MIA2: variants seen among roughly 807,000 people sequenced by gnomAD.
MIA2 encodes MIA SH3 domain ER export factor 2.
MIA2 carries 127 observed loss-of-function variants against 167.8 expected under a neutral mutation model. The ratio of observed to expected loss-of-function variants is 0.76; its 90% CI spans 0.66 to 0.88. The LOEUF (loss-of-function observed/expected upper bound fraction) is 0.88, where lower values mean the gene tolerates loss of function less well. Among genes scored for constraint, MIA2 ranks in the 40% least tolerant of loss-of-function variants. The pLI is 0.00. For missense variants in MIA2, 1,690 were observed against 1,624.7 expected (o/e 1.04, Z -0.69); for synonymous variants, 552 against 541.9 (o/e 1.02, Z -0.26).
chr14:39,298,426 T>A (rs1395730034), intron 13 of MIA2, among the ~76,000 whole-genome samples: 1 of 19,308 alleles, frequency 5.2e-5, no homozygotes, highest in Admixed American at 3.4e-4. Context: ...TATATATATA[T>A]ATATATATAT....
At chr14:39,259,698 G>GTTTTTTTTTTT (rs10556014) in intron 6 of MIA2, among the ~76,000 whole-genome samples, 1 of 115,374 alleles carries the variant, frequency 8.7e-6, no homozygotes. Flanking sequence ...GCCTGGCTAG[G>GTTTTTTTTTTT]TTTTTTTTTT....
chr14:39,268,512 A>G (rs1176897536), intron 6 of MIA2, among the ~76,000 whole-genome samples: 2 of 152,192 alleles, frequency 1.3e-5, no homozygotes, highest in Non-Finnish European at 2.9e-5. Flanking sequence ...GCATACACAC[A>G]CAGTGCAGGG....
Position 39,292,118 on chromosome 14 carries a change from A to G in MIA2, c.2208+1022A>G, listed in dbSNP as rs77671983. On this transcript the variant is annotated intron_variant, in intron 10 of 28. Transcript: ENST00000640607. Reference sequence around the variant, plus strand: ...TTTTCTTCATTTGTTGCCTATTACTATCTTCAAGAACTTGTTGAAATTATA... The same window carrying G: ...TTTTCTTCATTTGTTGCCTATTACTGTCTTCAAGAACTTGTTGAAATTATA... Among the ~76,000 whole-genome samples the G allele has an allele frequency of 2.6e-4, 40 of 152,352 alleles. No individual in the cohort carries two copies. In the East Asian group the frequency reaches 6.7e-3, roughly 26 times the overall value.
intron 25 of MIA2, among the ~76,000 whole-genome samples, chr14:39,331,941 C>A (rs1028820818): frequency 1.3e-5 from 2 of 151,982 alleles, no homozygotes; most frequent in Non-Finnish European, 2.9e-5. Flanking sequence ...TGGGGTTGTT[C>A]TTCTAGAAGA....
At chr14:39,318,332 C>A (rs1566902345) in intron 22 of MIA2, among the ~76,000 whole-genome samples, 1 of 151,938 alleles carries the variant, frequency 6.6e-6, no homozygotes, top group East Asian at 1.9e-4. Context: ...TAGTAATGCC[C>A]AGAATATCAG....
At chr14:39,376,970 G>C (rs2075057439) in intron 23 of MIA2, among the ~76,000 whole-genome samples, 1 of 152,204 alleles carries the variant, frequency 6.6e-6, no homozygotes, top group African/African-American at 2.4e-5. Flanking sequence ...GCATGACTCA[G>C]CTTTCAGCTT....
intron 15 of MIA2, 109 bp from the exon 16 acceptor site, chr14:39,303,369 G>T: frequency 1.3e-6 from 1 of 785,484 alleles, no homozygotes; most frequent in Non-Finnish European, 2.1e-6. Flanking sequence ...GTAGCAAGAA[G>T]AGGGATTATA....
Position 39,247,453 on chromosome 14 carries a change from ACTAGCATCT to A in MIA2, c.880_888del (p.Leu294_Ser296del). The A allele has an allele frequency of 1.2e-6, 2 of 1,614,014 alleles. No individual in the cohort carries two copies. Among genetic ancestry groups the A allele is most frequent in the Non-Finnish European group, 1.7e-6 (2 of 1,179,984 alleles). On this transcript the variant is annotated inframe_deletion, in exon 4 of 29. Transcript: ENST00000640607. ...ATTCAGTGCCAAAGACACAGTCTGA[ACTAGCATCT>A]GAGTCAGAGCACATTCCCAAACCTC...
intron 25 of MIA2, among the ~76,000 whole-genome samples, chr14:39,342,820 G>A (rs924477153): frequency 1.3e-5 from 2 of 152,062 alleles, no homozygotes; most frequent in African/African-American, 2.4e-5. Context: ...CATGAGTTTA[G>A]CGTGTGTAAA....
chr14:39,313,807 A>G (rs928993093), intron 19 of MIA2, among the ~76,000 whole-genome samples: 3 of 152,184 alleles, frequency 2.0e-5, no homozygotes, highest in African/African-American at 4.8e-5. Context: ...TAGTGAATCA[A>G]TAGGTGTGCC....
intron 9 of MIA2, among the ~76,000 whole-genome samples, chr14:39,283,045 G>T (rs555843111): frequency 6.6e-6 from 1 of 151,974 alleles, no homozygotes; most frequent in African/African-American, 2.4e-5. Context: ...TTCTAGGTCC[G>T]TCCATGTTGT....
chr14:39,308,710 A>C (rs2063742903), intron 18 of MIA2, 123 bp downstream of exon 18: 2 of 819,924 alleles, frequency 2.4e-6, no homozygotes, highest in South Asian at 2.3e-5. Flanking sequence ...TATTTCATCA[A>C]CTTATTTTTA....
chr14:39,348,963 C>A lies in MIA2; in HGVS notation c.4058C>A (p.Pro1353His), dbSNP rs1053452266. 3 of 1,613,376 alleles carry A rather than the reference C, an allele frequency of 1.9e-6. No individual in the cohort carries two copies. The highest frequency in any genetic ancestry group is 2.2e-5 in the South Asian group (2 of 91,046). ...FPPGDFPGPP[P>H]APFAMRNVYP... Reference sequence around the variant, plus strand: ...CCAGGGGATTTCCCAGGTCCACCACCTGCTCCATTTGCAAGTATGCTTTTT... The same window carrying A: ...CCAGGGGATTTCCCAGGTCCACCACATGCTCCATTTGCAAGTATGCTTTTT... The change falls in exon 28 of 29, where the codon CCT (proline) becomes CAT (histidine). Residue 1353 changes from proline (P) to histidine (H), a missense_variant. Coordinates refer to ENST00000640607, the MANE Select transcript of MIA2 (RefSeq NM_001329214.4).
chr14:39,332,206 A>T (rs914730670), intron 25 of MIA2, among the ~76,000 whole-genome samples: 1 of 152,174 alleles, frequency 6.6e-6, no homozygotes, highest in East Asian at 1.9e-4. Flanking sequence ...TCAATCTCTG[A>T]TATCCTTTCT....
At chr14:39,345,746 T>C (rs1214335172) in intron 25 of MIA2, among the ~76,000 whole-genome samples, 158 bp from the exon 26 acceptor site, 2 of 152,218 alleles carry the variant, frequency 1.3e-5, no homozygotes, top group African/African-American at 4.8e-5. Flanking sequence ...TATAGTAAAA[T>C]ATGCAATTCT....
intron 9 of MIA2, among the ~76,000 whole-genome samples, chr14:39,284,957 C>T (rs1338793163): frequency 1.3e-5 from 2 of 152,140 alleles, no homozygotes; most frequent in East Asian, 3.9e-4. Context: ...TGACTCTTAA[C>T]GAGCATGCTG....
chr14:39,338,142 T>G (rs1228894800), intron 25 of MIA2, among the ~76,000 whole-genome samples: 2 of 151,600 alleles, frequency 1.3e-5, no homozygotes, highest in Non-Finnish European at 2.9e-5. Flanking sequence ...ACGAGGGAGG[T>G]GTTTTTGGTG....
Position 39,247,022 on chromosome 14 carries a change from G to T in MIA2, c.448G>T (p.Glu150Ter). ...NIYPYEEDKD[E>*]KSSIYESDFQ... ...ATATCCTTATGAAGAAGATAAAGATGAAAAATCTAGTATATATGAAAGTGA... is the reference window on the plus strand; with the variant it reads ...ATATCCTTATGAAGAAGATAAAGATTAAAAATCTAGTATATATGAAAGTGA... Residue 150 changes from glutamate (E) to a stop codon, truncating the protein, a stop_gained, in exon 4 of 29, where the codon GAA becomes TAA. Transcript: ENST00000640607. LOFTEE classifies it high-confidence loss of function. The T allele has an allele frequency of 6.3e-7, 1 of 1,592,354 alleles. No homozygotes were observed. Among genetic ancestry groups the T allele is most frequent in the South Asian group, 1.2e-5 (1 of 86,208 alleles).
In MIA2 at chr14:39,357,055, A is replaced by G. The variant is rs535895093; in HGVS notation, c.2248+8078A>G. ...TGAATTCGGGTGGAGAGTTCTGTAGATATCTATTAGGTCCACTTGGTGCAG... is the reference window on the plus strand; with the variant it reads ...TGAATTCGGGTGGAGAGTTCTGTAGGTATCTATTAGGTCCACTTGGTGCAG... On this transcript the variant is annotated intron_variant, in intron 23 of 23. Coordinates refer to the MIA2 transcript ENST00000341502. Among the ~76,000 whole-genome samples the G allele has an allele frequency of 1.7e-4, 26 of 152,304 alleles. 1 individual carries two copies. The highest frequency in any genetic ancestry group is 7.3e-5 in the Non-Finnish European group (5 of 68,034).
Sources: gnomAD v4.1 joint callset for allele counts (sites outside exome capture counted in the v4.1 genomes callset) on GRCh38, gnomAD v4.1.1 for gene constraint, MANE v1.5 for transcripts, NCBI Gene and HGNC (gene_info 2026-07-23, HGNC 2026-07-21) for gene names.